NET1: variants seen among roughly 807,000 people sequenced by gnomAD.
NET1 encodes the protein neuroepithelial cell-transforming gene 1 protein.
A neutral mutation model predicts 61.1 loss-of-function variants in NET1; 42 were observed. That is an observed-to-expected ratio of 0.69 (90% confidence interval 0.54 to 0.89). The LOEUF is 0.89. Among genes scored for constraint, NET1 ranks in the 40% least tolerant of loss-of-function variants. NET1 has a pLI of 0.00. For missense variants in NET1, 654 were observed against 747.3 expected, an observed-to-expected ratio of 0.88 and a Z score of 1.46; for synonymous variants, 254 against 281.8, an observed-to-expected ratio of 0.90 and a Z score of 0.99.
In NET1 at chr10:5,457,835, A is replaced by C. The variant is rs1387777305; in HGVS notation, c.*841A>C. ...TGCCATTTTTAAAGTGTAGCATTTC[A>C]GGGTAAAGACCCATGAAATGGCTTG... is the stretch of plus-strand genomic sequence containing the variant. On this transcript the variant is annotated 3_prime_UTR_variant, in exon 12 of 12. Coordinates refer to ENST00000355029, the MANE Select transcript of NET1 (RefSeq NM_001047160.3). This position sits in a 1 kb window ranked among gnomAD's most constrained non-coding sequence, Gnocchi z 5.4. 1 of 152,614 alleles carries C rather than the reference A, an allele frequency of 6.6e-6. No homozygotes were observed. The highest frequency in any genetic ancestry group is 6.6e-5 in the Admixed American group (1 of 15,262). 9.5% of individuals were successfully genotyped at this position (152,614 alleles called of 1,614,324 possible). A position where few individuals can be genotyped will look rare whatever the true frequency, so the allele number is the denominator to read the frequency against.
chr10:5,437,250 G>A lies in NET1; in HGVS notation c.255+8021G>A, dbSNP rs1832451725. Reference sequence around the variant, plus strand: ...CTTTTTATTTATCTATTTTCATACAGTATGTGTAATGACTACAGATATATG... The same window carrying A: ...CTTTTTATTTATCTATTTTCATACAATATGTGTAATGACTACAGATATATG... On this transcript the variant is annotated intron_variant, in intron 3 of 11. Coordinates refer to ENST00000355029, the MANE Select transcript of NET1 (RefSeq NM_001047160.3). This position sits in a 1 kb window ranked among gnomAD's most constrained non-coding sequence, Gnocchi z 4.3. Among the ~76,000 whole-genome samples, 1 of 152,032 alleles carries A rather than the reference G, an allele frequency of 6.6e-6. No individual in the cohort carries two copies. Among genetic ancestry groups the A allele is most frequent in the African/African-American group, 2.4e-5 (1 of 41,402 alleles).
intron 3 of NET1, among the ~76,000 whole-genome samples, chr10:5,442,893 G>T (rs201260347): frequency 8.1e-6 from 1 of 122,982 alleles, no homozygotes; most frequent in East Asian, 2.3e-4. Flanking sequence ...AAAAAAAAAA[G>T]AAAGAAAGAA....
chr10:5,444,811 T>C lies in NET1; in HGVS notation c.256-7019T>C, dbSNP rs963125059. Among the ~76,000 whole-genome samples, 6 of 152,336 alleles carry C rather than the reference T, an allele frequency of 3.9e-5. No homozygotes were observed. Among genetic ancestry groups the C allele is most frequent in the African/African-American group, 1.4e-4 (6 of 41,576 alleles). ...CAGGTTTTTGTCCAACATTTCCAACTACCAGCAGAATATTTTCATTTGCAT... is the reference window on the plus strand; with the variant it reads ...CAGGTTTTTGTCCAACATTTCCAACCACCAGCAGAATATTTTCATTTGCAT... On this transcript the variant is annotated intron_variant, in intron 3 of 11. Transcript: ENST00000355029. This position sits in a 1 kb window ranked among gnomAD's most constrained non-coding sequence, Gnocchi z 5.3.
rs1173167357 is a variant in NET1 at position 5,457,037 on chromosome 10, A to C, written c.*43A>C. ...AACTGATGGGAGAGACTGTTTGTTT[A>C]TAAATGTGTACAGTTTTGTTTTCTC... On this transcript the variant is annotated 3_prime_UTR_variant, in exon 12 of 12. Transcript: ENST00000355029. This position sits in a 1 kb window ranked among gnomAD's most constrained non-coding sequence, Gnocchi z 5.4. 2.0e-6 allele frequency: 3 copies of C among 1,504,152 alleles called. No individual in the cohort carries two copies. The African/African-American group carries it at 4.2e-5, about 21-fold the overall frequency. 93.2% of individuals were successfully genotyped at this position (1,504,152 alleles called of 1,614,324 possible). A position where few individuals can be genotyped will look rare whatever the true frequency, so the allele number is the denominator to read the frequency against.
At chr10:5,434,876 A>C (rs1401106767) in intron 3 of NET1, among the ~76,000 whole-genome samples, 2 of 152,016 alleles carry the variant, frequency 1.3e-5, no homozygotes, top group Non-Finnish European at 2.9e-5. Context: ...GAGATTACCA[A>C]ATTATATATA....
rs1441127108 is a variant in NET1, at chr10:5,437,057, A to G, written c.255+7828A>G. Among the ~76,000 whole-genome samples the G allele has an allele frequency of 6.6e-6, 1 of 152,262 alleles. No homozygotes were observed. Among genetic ancestry groups the G allele is most frequent in the Non-Finnish European group, 1.5e-5 (1 of 68,048 alleles). ...AGCAATACAGAGCTACTTATCTTTA[A>G]GCTTAATCATTCCTAGACTGCAATG... On this transcript the variant is annotated intron_variant, in intron 3 of 11. Coordinates refer to ENST00000355029, the MANE Select transcript of NET1 (RefSeq NM_001047160.3). The surrounding 1 kb of genome is among the most constrained non-coding windows in gnomAD (Gnocchi z 4.3).
At position 5,451,740 on chromosome 10, in the gene NET1, T is replaced by G; in HGVS notation, c.256-90T>G. The G allele has an allele frequency of 1.1e-6, 1 of 870,802 alleles. No individual in the cohort carries two copies. Among genetic ancestry groups the G allele is most frequent in the Non-Finnish European group, 1.8e-6 (1 of 563,092 alleles). 53.9% of individuals were successfully genotyped at this position (870,802 alleles called of 1,614,324 possible). A position where few individuals can be genotyped will look rare whatever the true frequency, so the allele number is the denominator to read the frequency against. On this transcript the variant is annotated intron_variant, in intron 3 of 11. Transcript: ENST00000355029. The surrounding 1 kb of genome is among the most constrained non-coding windows in gnomAD (Gnocchi z 6.1). The stretch of plus-strand genomic sequence containing the variant: ...TCTGTATTTTATAATGTACAAAAAT[T>G]GTTTTGTGAGAGGGCTTTACTTTGT...
At chr10:5,430,357 T>G (rs1832328268) in intron 3 of NET1, among the ~76,000 whole-genome samples, 1 of 151,946 alleles carries the variant, frequency 6.6e-6, no homozygotes, top group Non-Finnish European at 1.5e-5. Context: ...TTTACTATCT[T>G]TATTGTCTTA....
rs1832673239 is a variant in NET1, at chr10:5,449,650, A to G, written c.256-2180A>G. Among the ~76,000 whole-genome samples the G allele has an allele frequency of 6.6e-6, 1 of 152,196 alleles. No homozygotes were observed. Among genetic ancestry groups the G allele is most frequent in the East Asian group, 1.9e-4 (1 of 5,202 alleles). On this transcript the variant is annotated intron_variant, in intron 3 of 11. Transcript: ENST00000355029. The surrounding 1 kb of genome is among the most constrained non-coding windows in gnomAD (Gnocchi z 4.4). Reference sequence around the variant, plus strand: ...ATTCTGTAGTTTTAAAATATCACATAATTTTGAGTTACCAGGAAGTTAGTA... The same window carrying G: ...ATTCTGTAGTTTTAAAATATCACATGATTTTGAGTTACCAGGAAGTTAGTA...
chr10:5,442,890 AAAG>A (rs1436132618), intron 3 of NET1, among the ~76,000 whole-genome samples: 46 of 150,836 alleles, frequency 3.0e-4, no homozygotes, highest in African/African-American at 6.3e-4. Flanking sequence ...AAAAAAAAAA[AAAG>A]AAAGAAAGAA....
Position 5,427,655 on chromosome 10 carries a change from A to T in NET1, c.195+934A>T, listed in dbSNP as rs1477470321. Reference sequence around the variant, plus strand: ...CTTGGGATCAGTAAAATATTTCTTGAGTTCCAACACCTCCATTCTGATATA... The same window carrying T: ...CTTGGGATCAGTAAAATATTTCTTGTGTTCCAACACCTCCATTCTGATATA... On this transcript the variant is annotated intron_variant, in intron 2 of 11. Coordinates refer to ENST00000355029, the MANE Select transcript of NET1 (RefSeq NM_001047160.3). This position sits in a 1 kb window ranked among gnomAD's most constrained non-coding sequence, Gnocchi z 4.1. Among the ~76,000 whole-genome samples the T allele has an allele frequency of 6.6e-6, 1 of 152,188 alleles. No individual in the cohort carries two copies. Among genetic ancestry groups the T allele is most frequent in the Non-Finnish European group, 1.5e-5 (1 of 68,028 alleles).
rs1185281208 is a variant in NET1 at position 5,415,730 on chromosome 10, C to T, written c.128+2910C>T. Among the ~76,000 whole-genome samples, 1 of 152,144 alleles carries T rather than the reference C, an allele frequency of 6.6e-6. No individual in the cohort carries two copies. The highest frequency in any genetic ancestry group is 1.5e-5 in the Non-Finnish European group (1 of 68,036). On this transcript the variant is annotated intron_variant, in intron 1 of 11. Coordinates refer to ENST00000355029, the MANE Select transcript of NET1 (RefSeq NM_001047160.3). This position sits in a 1 kb window ranked among gnomAD's most constrained non-coding sequence, Gnocchi z 4.7. ...CTGGGATTACAGGCGTGAGCCACCG[C>T]ACCTGGCCCTGTTCATTTTTAAATT...
At chr10:5,418,292 G>T (rs2119164749) in intron 1 of NET1, among the ~76,000 whole-genome samples, 1 of 151,900 alleles carries the variant, frequency 6.6e-6, no homozygotes, top group South Asian at 2.1e-4. Flanking sequence ...TTTCTCTGTG[G>T]ATAGTTTATT....
rs1383877350 is a variant in NET1, at chr10:5,441,965, T to C, written c.256-9865T>C. ...AGTATATGCTTGTAATCTTGAATTC[T>C]AGAGTTTTAAAATGGAATGTAGTTT... is the stretch of plus-strand genomic sequence containing the variant. On this transcript the variant is annotated intron_variant, in intron 3 of 11. Transcript: ENST00000355029. This position sits in a 1 kb window ranked among gnomAD's most constrained non-coding sequence, Gnocchi z 4.6. Among the ~76,000 whole-genome samples the C allele has an allele frequency of 6.6e-6, 1 of 152,224 alleles. No individual in the cohort carries two copies. The highest frequency in any genetic ancestry group is 1.5e-5 in the Non-Finnish European group (1 of 68,030).
chr10:5,414,944 G>A (rs1048699068), intron 1 of NET1, among the ~76,000 whole-genome samples: 4 of 152,176 alleles, frequency 2.6e-5, no homozygotes, highest in Admixed American at 6.5e-5. Flanking sequence ...TGTGAGAAAA[G>A]CGTAGTAACA....
rs1832086985 is a variant in NET1, at chr10:5,416,702, C to G, written c.128+3882C>G. On this transcript the variant is annotated intron_variant, in intron 1 of 11. Transcript: ENST00000355029. This position sits in a 1 kb window ranked among gnomAD's most constrained non-coding sequence, Gnocchi z 6.1. ...TGAAATGGGAAAAGTTCCCTTTTCC[C>G]CCTCGCAGGGCGTGCACTGGAGGTG... 6.6e-6 allele frequency among the ~76,000 whole-genome samples: 1 copy of G among 152,050 alleles called. No individual in the cohort carries two copies. Among genetic ancestry groups the G allele is most frequent in the African/African-American group, 2.4e-5 (1 of 41,368 alleles).
chr10:5,422,036 A>C lies in NET1; in HGVS notation c.129-4619A>C, dbSNP rs1420782435. On this transcript the variant is annotated intron_variant, in intron 1 of 11. Transcript: ENST00000355029. This position sits in a 1 kb window ranked among gnomAD's most constrained non-coding sequence, Gnocchi z 4.1. ...GCTTTTATGGATAATGCTGCTATGA[A>C]CATTTGCATGTAAGTCTTAGTGTAG... Among the ~76,000 whole-genome samples, 1 of 152,206 alleles carries C rather than the reference A, an allele frequency of 6.6e-6. No homozygotes were observed. The highest frequency in any genetic ancestry group is 2.4e-5 in the African/African-American group (1 of 41,448).
chr10:5,437,899 G>A lies in NET1; in HGVS notation c.255+8670G>A, dbSNP rs1289195924. Among the ~76,000 whole-genome samples the A allele has an allele frequency of 6.6e-6, 1 of 152,064 alleles. No homozygotes were observed. The highest frequency in any genetic ancestry group is 1.5e-5 in the Non-Finnish European group (1 of 67,992). On this transcript the variant is annotated intron_variant, in intron 3 of 11. Coordinates refer to ENST00000355029, the MANE Select transcript of NET1 (RefSeq NM_001047160.3). This position sits in a 1 kb window ranked among gnomAD's most constrained non-coding sequence, Gnocchi z 4.3. ...CATTTATAAAGACTGAAATCATACA[G>A]ACTAATTTTTTTAACACAGAGAGTG...
intron 3 of NET1, 63 bp downstream of exon 3, chr10:5,429,292 G>A: frequency 8.2e-7 from 1 of 1,224,276 alleles, no homozygotes; most frequent in Non-Finnish European, 1.2e-6. Context: ...TTTTATTTCT[G>A]TGCTGCAAGA....
Sources: gnomAD v4.1 joint callset for allele counts (sites outside exome capture counted in the v4.1 genomes callset) on GRCh38, gnomAD v4.1.1 for gene constraint, Gnocchi (gnomAD v3.1) non-coding constraint, MANE v1.5 for transcripts, NCBI Gene and HGNC (gene_info 2026-07-23, HGNC 2026-07-21) for gene names.